CHD2: variants seen among roughly 807,000 people sequenced by gnomAD.
CHD2 encodes the protein ATP-dependent chromatin remodeler CHD2.
CHD2 carries 28 observed loss-of-function variants against 243.9 expected under a neutral mutation model. The ratio of observed to expected loss-of-function variants is 0.11; its 90% CI spans 0.09 to 0.16. The LOEUF (loss-of-function observed/expected upper bound fraction) is 0.16, where lower values mean the gene tolerates loss of function less well. Ranked by LOEUF, CHD2 falls within the 10% of genes least tolerant of loss-of-function variation. The pLI is 1.00. For missense variants in CHD2, 1,386 were observed against 2,209.8 expected (o/e 0.63, Z 7.47); for synonymous variants, 775 against 779.0 (o/e 0.99, Z 0.09).
chr15:92,984,320 C>A lies in CHD2; in HGVS notation c.3067-10C>A. 1 of 1,527,370 alleles carries A rather than the reference C, an allele frequency of 6.5e-7. No homozygotes were observed. The highest frequency in any genetic ancestry group is 1.3e-5 in the South Asian group (1 of 74,772). 94.6% of individuals were successfully genotyped at this position (1,527,370 alleles called of 1,614,324 possible). ...AGGGAAATGTCAGACAATGGGTTGT[C>A]TGTTTTAAGGTTGCCAACTTTGCAA... On this transcript the variant is annotated splice_polypyrimidine_tract_variant and intron_variant, in intron 24 of 38. Coordinates refer to ENST00000394196, the MANE Select transcript of CHD2 (RefSeq NM_001271.4).
At chr15:92,990,933 C>A (rs567662236) in intron 26 of CHD2, among the ~76,000 whole-genome samples, 73 of 152,184 alleles carry the variant, frequency 4.8e-4, no homozygotes, top group Non-Finnish European at 8.5e-4. Context: ...GTAGAGTTTC[C>A]AAAATTGTTT....
chr15:92,973,292 A>T (rs1486695483), intron 19 of CHD2, among the ~76,000 whole-genome samples: 2 of 152,218 alleles, frequency 1.3e-5, no homozygotes, highest in Non-Finnish European at 2.9e-5. Flanking sequence ...TCTTCCGCAT[A>T]GTAACATTTT....
rs1165954202 is a variant in CHD2, at chr15:92,981,291, G to T, written c.2974-74G>T. On this transcript the variant is annotated intron_variant, in intron 23 of 38. Transcript: ENST00000394196. ...TGCACCAAACATTTTTAGTAAATAC[G>T]AATAATTTCTGGGCAACTAGGCAAC... 1.4e-5 allele frequency: 14 copies of T among 978,666 alleles called. No individual in the cohort carries two copies. The Admixed American group carries it at 2.9e-4, about 20-fold the overall frequency. 60.6% of individuals were successfully genotyped at this position (978,666 alleles called of 1,614,324 possible).
intron 6 of CHD2, among the ~76,000 whole-genome samples, chr15:92,938,044 G>T (rs2053294640): frequency 6.6e-6 from 1 of 152,202 alleles, no homozygotes; most frequent in African/African-American, 2.4e-5. Flanking sequence ...GCTAATTTTT[G>T]ATAAGACAGA....
At chr15:92,919,068 C>T (rs1351460409) in intron 2 of CHD2, among the ~76,000 whole-genome samples, 1 of 152,026 alleles carries the variant, frequency 6.6e-6, no homozygotes, top group East Asian at 1.9e-4. Flanking sequence ...GTTGGCCAGG[C>T]TGGTCTTGAA....
chr15:92,973,399 G>T (rs547435757), intron 19 of CHD2, among the ~76,000 whole-genome samples: 1 of 152,194 alleles, frequency 6.6e-6, no homozygotes, highest in South Asian at 2.1e-4. Context: ...CATGTTTATA[G>T]TGCTTTGATT....
At chr15:92,913,241 C>G (rs1264054016) in intron 2 of CHD2, among the ~76,000 whole-genome samples, 1 of 152,170 alleles carries the variant, frequency 6.6e-6, no homozygotes, top group South Asian at 2.1e-4. Flanking sequence ...CTTTTCTGTT[C>G]TGTTCTGCTG....
intron 7 of CHD2, among the ~76,000 whole-genome samples, chr15:92,941,410 T>C (rs959535355): frequency 2.0e-5 from 3 of 152,160 alleles, no homozygotes; most frequent in Non-Finnish European, 2.9e-5. Context: ...CATTTTTAAT[T>C]TTAGAAATAT....
rs2053972692 is a variant in CHD2, at chr15:92,981,001, T to C, written c.2973+90T>C. ...TGTAAGAAGATTCTGTTAGAGGCTT[T>C]TGTAAAGAAAAAGTAATTACTTGAA... On this transcript the variant is annotated intron_variant, in intron 23 of 38. Transcript: ENST00000394196. The C allele has an allele frequency of 4.5e-6, 4 of 887,060 alleles. No homozygotes were observed. The Admixed American group carries it at 7.0e-5, about 16-fold the overall frequency. 54.9% of individuals were successfully genotyped at this position (887,060 alleles called of 1,614,324 possible). A position where few individuals can be genotyped will look rare whatever the true frequency, so the allele number is the denominator to read the frequency against.
intron 2 of CHD2, among the ~76,000 whole-genome samples, chr15:92,907,266 A>G (rs913808412): frequency 5.3e-5 from 8 of 152,240 alleles, no homozygotes; most frequent in Admixed American, 2.0e-4. Flanking sequence ...TTCATGCTAC[A>G]TAATTTAGCA....
At chr15:92,917,476 G>C (rs866969916) in intron 2 of CHD2, among the ~76,000 whole-genome samples, 1 of 152,138 alleles carries the variant, frequency 6.6e-6, no homozygotes, top group Non-Finnish European at 1.5e-5. Context: ...CAGGAGAATC[G>C]CATGAACCCT....
intron 35 of CHD2, among the ~76,000 whole-genome samples, chr15:93,010,384 G>C (rs950800019): frequency 9.3e-5 from 14 of 150,830 alleles, no homozygotes; most frequent in African/African-American, 3.4e-4. Flanking sequence ...GTCCACTTTG[G>C]ATATTTTAAG....
intron 35 of CHD2, among the ~76,000 whole-genome samples, chr15:93,009,982 C>G (rs1423745383): frequency 6.6e-6 from 1 of 152,214 alleles, no homozygotes; most frequent in African/African-American, 2.4e-5. Context: ...ACCCATCACC[C>G]GAGCAGTGCA....
At chr15:93,007,356 T>C (rs1176085572) in intron 34 of CHD2, among the ~76,000 whole-genome samples, 2 of 152,374 alleles carry the variant, frequency 1.3e-5, no homozygotes, top group Non-Finnish European at 1.5e-5. Context: ...AAAATTGACA[T>C]ATTTGGAATA....
chr15:93,020,999 C>T (rs907254622), intron 38 of CHD2: 1 of 152,342 alleles, frequency 6.6e-6, no homozygotes, highest in South Asian at 2.1e-4. Context: ...TCCCACCCTT[C>T]TCTATTGTCT....
In CHD2 at chr15:92,996,943, C is replaced by G. The variant is rs1324255845; in HGVS notation, c.3596-14C>G. ...AGATTTTCATTTAACTAATGTGAAA[C>G]TGGTATTTTTCAGGAAAAGGACCAG... On this transcript the variant is annotated splice_polypyrimidine_tract_variant and intron_variant, in intron 28 of 38. Transcript: ENST00000394196. The G allele has an allele frequency of 6.3e-7, 1 of 1,594,174 alleles. No homozygotes were observed. The highest frequency in any genetic ancestry group is 8.5e-7 in the Non-Finnish European group (1 of 1,174,374).
chr15:92,955,740 G>A (rs1263758852), intron 15 of CHD2, among the ~76,000 whole-genome samples: 2 of 152,164 alleles, frequency 1.3e-5, no homozygotes, highest in South Asian at 4.1e-4. Context: ...GGATATTAAC[G>A]TTATAAATAG....
At chr15:92,933,679 C>G (rs1003197257) in intron 5 of CHD2, among the ~76,000 whole-genome samples, 2 of 152,196 alleles carry the variant, frequency 1.3e-5, no homozygotes. Flanking sequence ...ATTCACAGCT[C>G]ACTGCAGCTT....
At chr15:93,000,719 G>GA in intron 32 of CHD2, 79 bp downstream of exon 32, 1 of 1,452,932 alleles carries the variant, frequency 6.9e-7, no homozygotes, top group Non-Finnish European at 9.3e-7. Flanking sequence ...AAAATCATCT[G>GA]AAATGTGTTT....
Sources: gnomAD v4.1 joint callset for allele counts (sites outside exome capture counted in the v4.1 genomes callset) on GRCh38, gnomAD v4.1.1 for gene constraint, MANE v1.5 for transcripts, NCBI Gene and HGNC (gene_info 2026-07-23, HGNC 2026-07-21) for gene names.